SPMIP9: variants seen among roughly 807,000 people sequenced by gnomAD.
The protein encoded by SPMIP9 is protein SPMIP9.
the SPMIP9 span, among the ~76,000 whole-genome samples, chr2:88,528,342 T>C: frequency 6.6e-6 from 1 of 152,300 alleles, no homozygotes; most frequent in South Asian, 2.1e-4. Flanking sequence ...TTTACCATGT[T>C]GGCCAGGCTG....
chr2:88,527,528 A>C, the SPMIP9 span, among the ~76,000 whole-genome samples: 2 of 152,096 alleles, frequency 1.3e-5, no homozygotes, highest in African/African-American at 4.8e-5. Flanking sequence ...GCCTTTTTGA[A>C]CTTTATTACA....
At chr2:88,528,506 A>G in the SPMIP9 span, among the ~76,000 whole-genome samples, 1 of 152,204 alleles carries the variant, frequency 6.6e-6, no homozygotes, top group Non-Finnish European at 1.5e-5. Context: ...TTGTCTTTGC[A>G]CTAAATATTT....
the SPMIP9 span, chr2:88,529,363 A>G: frequency 6.2e-7 from 1 of 1,614,202 alleles, no homozygotes; most frequent in African/African-American, 1.3e-5. Flanking sequence ...AGCCTGCTGC[A>G]GAGATGGCCA....
the SPMIP9 span, chr2:88,526,292 A>C: frequency 2.3e-3 from 1,828 of 787,590 alleles, 34 homozygotes; most frequent in African/African-American, 0.028. Flanking sequence ...TGGGCTCTGA[A>C]TGTCAGGCCC....
chr2:88,526,375 C>T, the SPMIP9 span: 1 of 1,551,950 alleles, frequency 6.4e-7, no homozygotes, highest in South Asian at 1.1e-5. Flanking sequence ...ACGAGGGAAT[C>T]TCTTGTTTTA....
the SPMIP9 span, among the ~76,000 whole-genome samples, chr2:88,527,048 C>A: frequency 6.6e-6 from 1 of 152,146 alleles, no homozygotes; most frequent in African/African-American, 2.4e-5. Flanking sequence ...GTTAAAATTA[C>A]ACTGATAAAC....
the SPMIP9 span, among the ~76,000 whole-genome samples, chr2:88,528,443 C>T: frequency 6.6e-6 from 1 of 152,108 alleles, no homozygotes; most frequent in Non-Finnish European, 1.5e-5. Flanking sequence ...TGGCCCTAAG[C>T]ATTTTTCATT....
At chr2:88,529,473 A>G in the SPMIP9 span, 2 of 1,609,220 alleles carry the variant, frequency 1.2e-6, no homozygotes, top group South Asian at 1.1e-5. Flanking sequence ...TTTTACCAGT[A>G]GGAAGGATGA....
At chr2:88,525,533 T>C in the SPMIP9 span, 2 of 1,273,024 alleles carry the variant, frequency 1.6e-6, no homozygotes, top group Non-Finnish European at 2.3e-6. Flanking sequence ...AGGAGTGGGC[T>C]AAGAAAGCTG....
the SPMIP9 span, chr2:88,526,492 C>G: frequency 6.2e-7 from 1 of 1,613,676 alleles, no homozygotes; most frequent in Non-Finnish European, 8.5e-7. Flanking sequence ...GGTCACGCCG[C>G]AAGAGGTAGG....
At chr2:88,527,175 A>G in the SPMIP9 span, among the ~76,000 whole-genome samples, 2 of 151,982 alleles carry the variant, frequency 1.3e-5, no homozygotes, top group Non-Finnish European at 2.9e-5. Flanking sequence ...GTGGTTAATC[A>G]TTCCCTTGTA....
chr2:88,528,719 A>T, the SPMIP9 span, among the ~76,000 whole-genome samples: 2 of 152,208 alleles, frequency 1.3e-5, no homozygotes, highest in South Asian at 4.1e-4. Flanking sequence ...AATATTCATC[A>T]TTTCTGTACA....
the SPMIP9 span, chr2:88,525,785 T>C: frequency 9.7e-7 from 1 of 1,033,558 alleles, no homozygotes; most frequent in Non-Finnish European, 1.4e-6. Context: ...ATGATAGTTT[T>C]GGGTTTTGTG....
chr2:88,528,353 G>T, the SPMIP9 span, among the ~76,000 whole-genome samples: 1 of 152,072 alleles, frequency 6.6e-6, no homozygotes, highest in Non-Finnish European at 1.5e-5. Context: ...GGCCAGGCTG[G>T]TCTTGGACTC....
the SPMIP9 span, chr2:88,524,652 G>T: frequency 6.6e-6 from 1 of 152,430 alleles, no homozygotes; most frequent in Non-Finnish European, 1.5e-5. Flanking sequence ...GTGGGACACA[G>T]CAACAGGACT....
chr2:88,527,401 T>A, the SPMIP9 span, among the ~76,000 whole-genome samples: 1 of 152,186 alleles, frequency 6.6e-6, no homozygotes, highest in African/African-American at 2.4e-5. Flanking sequence ...GGCTGAGACA[T>A]GAGAATTGCT....
At chr2:88,526,635 C>T in the SPMIP9 span, 1 of 701,304 alleles carries the variant, frequency 1.4e-6, no homozygotes. Flanking sequence ...ACTTAGAGAT[C>T]TTTTCTGTGC....
At chr2:88,526,868 A>G in the SPMIP9 span, among the ~76,000 whole-genome samples, 2 of 151,992 alleles carry the variant, frequency 1.3e-5, no homozygotes, top group East Asian at 1.9e-4. Flanking sequence ...GGATTTCACC[A>G]TCCTGGCCAG....
the SPMIP9 span, chr2:88,525,714 T>C: frequency 3.7e-6 from 6 of 1,611,658 alleles, no homozygotes; most frequent in Admixed American, 1.0e-4. Flanking sequence ...GTCTCAGGGT[T>C]GGGTAGCCTC....
Sources: allele counts gnomAD v4.1 joint callset (sites outside exome capture counted in the v4.1 genomes callset), GRCh38; gene constraint gnomAD v4.1.1; transcripts MANE v1.5; gene names NCBI Gene and HGNC (gene_info 2026-07-23, HGNC 2026-07-21).